REELD1: variants seen among roughly 807,000 people sequenced by gnomAD.
REELD1 encodes the protein reeler domain containing 1, also known as reelin domain-containing protein 1.
REELD1 carries 12 observed loss-of-function variants against 6.3 expected under a neutral mutation model. The observed-to-expected ratio is 1.89, with a 90% CI of 1.21 to 3.07. The LOEUF (loss-of-function observed/expected upper bound fraction) is 3.07, where lower values mean the gene tolerates loss of function less well. REELD1 is among the 30% of genes most tolerant of loss of function. The pLI is 0.00. For missense variants in REELD1, 163 were observed against 86.8 expected (o/e 1.88, Z -3.49); for synonymous variants, 57 against 33.6 (o/e 1.70, Z -2.42).
intron 5 of REELD1, among the ~76,000 whole-genome samples, chr4:146,224,860 C>T (rs867706888): frequency 2.0e-5 from 3 of 152,120 alleles, no homozygotes; most frequent in South Asian, 4.2e-4. Flanking sequence ...AAGTCAGGCC[C>T]CAGGGTGGAC....
chr4:146,230,716 A>T lies in REELD1; in HGVS notation c.*203A>T, dbSNP rs1386130591. On this transcript the variant is annotated 3_prime_UTR_variant, in exon 8 of 8. Coordinates refer to ENST00000623665, the MANE Select transcript of REELD1 (RefSeq NM_001354631.1). ...GAGCTTTGTTGTCTTAACATCTGTA[A>T]TTGGGCTTCCTTCTTTCTTTTTGCA... 23 of 379,692 alleles carry T rather than the reference A, an allele frequency of 6.1e-5. No homozygotes were observed. The highest frequency in any genetic ancestry group is 1.8e-4 in the Admixed American group (4 of 22,106). 23.5% of individuals were successfully genotyped at this position (379,692 alleles called of 1,614,324 possible).
rs543636033 is a variant in REELD1 at position 146,228,505 on chromosome 4, C to A, written c.891C>A (p.Ser297Arg). 245 of 702,110 alleles carry A rather than the reference C, an allele frequency of 3.5e-4. No homozygotes were observed. The African/African-American group carries it at 3.9e-3, about 11-fold the overall frequency. 43.5% of individuals were successfully genotyped at this position (702,110 alleles called of 1,614,324 possible). A position where few individuals can be genotyped will look rare whatever the true frequency, so the allele number is the denominator to read the frequency against. Residue 297 changes from serine (S) to arginine (R), a missense_variant, in exon 6 of 8, where the codon AGC becomes AGA. By Grantham distance (110) the Ser-to-Arg change is moderately radical. Transcript: ENST00000623665. ...TCTCCTCAGAGAGCTTTGCTTCCAG[C>A]CTTAGCACCCATCACAGGTAAGGGT... ...KRVSSESFASSLSTHHRTQDD... is the reference protein window; with the variant it reads ...KRVSSESFASRLSTHHRTQDD...
At chr4:146,220,653 G>C (rs1560724078) in intron 3 of REELD1, among the ~76,000 whole-genome samples, 2 of 152,188 alleles carry the variant, frequency 1.3e-5, no homozygotes, top group Non-Finnish European at 2.9e-5. Context: ...CTCATACTGG[G>C]ATGACAGCTG....
intron 2 of REELD1, among the ~76,000 whole-genome samples, chr4:146,216,112 A>G (rs1280398173): frequency 6.6e-6 from 1 of 152,232 alleles, no homozygotes; most frequent in Non-Finnish European, 1.5e-5. Context: ...GCAGATTTTC[A>G]TCTGCCTTGT....
chr4:146,222,751 TA>T (rs375543336), intron 4 of REELD1, among the ~76,000 whole-genome samples, 172 bp downstream of exon 4: 6 of 151,838 alleles, frequency 4.0e-5, no homozygotes, highest in Non-Finnish European at 7.4e-5. Context: ...AGAGGGAAAC[TA>T]AAAAAAATAT....
chr4:146,216,224 C>G (rs761265837), intron 2 of REELD1, among the ~76,000 whole-genome samples: 1 of 152,150 alleles, frequency 6.6e-6, no homozygotes, highest in African/African-American at 2.4e-5. Context: ...ATAAAATTTA[C>G]TCTATAAATG....
chr4:146,221,999 TA>T lies in REELD1; in HGVS notation c.209-356del, dbSNP rs531848863. 3.9e-4 allele frequency among the ~76,000 whole-genome samples: 59 copies of T among 152,246 alleles called. No homozygotes were observed. In the South Asian group the frequency reaches 0.01, roughly 27 times the overall value. ...CTTACAAATACTTTTTTTTGGAAAA[TA>T]ATTTTTTTTAATCATCTGTCCAGGG... On this transcript the variant is annotated intron_variant, in intron 3 of 7. Transcript: ENST00000623665.
chr4:146,220,350 T>C (rs1730901605), intron 3 of REELD1, among the ~76,000 whole-genome samples: 2 of 152,256 alleles, frequency 1.3e-5, no homozygotes, highest in Admixed American at 1.3e-4. Flanking sequence ...TTAAATTTTT[T>C]TCATAAATGG....
rs1205696671 is a variant in REELD1, at chr4:146,230,836, T to C, written c.*323T>C. The C allele has an allele frequency of 3.7e-5, 7 of 188,502 alleles. No homozygotes were observed. Among genetic ancestry groups the C allele is most frequent in the Non-Finnish European group, 7.6e-5 (7 of 92,300 alleles). The allele number at this position is 188,502 out of a possible 1,614,324, so 11.7% of individuals were successfully genotyped here. A position where few individuals can be genotyped will look rare whatever the true frequency, so the allele number is the denominator to read the frequency against. On this transcript the variant is annotated 3_prime_UTR_variant, in exon 8 of 8. Coordinates refer to ENST00000623665, the MANE Select transcript of REELD1 (RefSeq NM_001354631.1). Reference sequence around the variant, plus strand: ...CCCTGTGGCCACTAAGCTTCCTCTGTTGTGGTAAGGAAGCCATAGAAATAA... The same window carrying C: ...CCCTGTGGCCACTAAGCTTCCTCTGCTGTGGTAAGGAAGCCATAGAAATAA...
At chr4:146,227,432 A>G (rs1224943454) in intron 5 of REELD1, among the ~76,000 whole-genome samples, 3 of 152,182 alleles carry the variant, frequency 2.0e-5, no homozygotes, top group South Asian at 4.1e-4. Flanking sequence ...CCTCATCATC[A>G]TTGTGGTAAA....
intron 5 of REELD1, among the ~76,000 whole-genome samples, chr4:146,225,506 CCCCA>C (rs1407513154): frequency 1.3e-5 from 2 of 152,132 alleles, no homozygotes; most frequent in Non-Finnish European, 2.9e-5. Flanking sequence ...TCTGCCTTTG[CCCCA>C]CAACCTTTGT....
intron 5 of REELD1, 111 bp downstream of exon 5, chr4:146,224,719 A>G (rs1484113725): frequency 1.5e-6 from 1 of 653,286 alleles, no homozygotes; most frequent in Non-Finnish European, 2.8e-6. Flanking sequence ...AAAACAAGCA[A>G]TAAACACCTG....
chr4:146,219,732 C>T (rs1421231523), intron 3 of REELD1, among the ~76,000 whole-genome samples: 1 of 152,160 alleles, frequency 6.6e-6, no homozygotes, highest in East Asian at 1.9e-4. Flanking sequence ...TGGCTCTGAA[C>T]ACTCAATTTG....
chr4:146,227,403 G>A lies in REELD1; in HGVS notation c.596-807G>A, dbSNP rs1464323729. On this transcript the variant is annotated intron_variant, in intron 5 of 7. Transcript: ENST00000623665. The stretch of plus-strand genomic sequence containing the variant: ...AGAAACTTCTGCCAACACTGTTTTG[G>A]TCAATGCCATCATGTCATCCTCATC... Among the ~76,000 whole-genome samples, 8 of 152,160 alleles carry A rather than the reference G, an allele frequency of 5.3e-5. No homozygotes were observed. In the South Asian group the frequency reaches 1.7e-3, roughly 31 times the overall value.
chr4:146,225,529 A>G (rs1483854018), intron 5 of REELD1, among the ~76,000 whole-genome samples: 1 of 152,040 alleles, frequency 6.6e-6, no homozygotes, highest in African/African-American at 2.4e-5. Context: ...GTCTTCTTCT[A>G]TTACCCAGCA....
At chr4:146,228,795 A>G (rs1280260155) in intron 6 of REELD1, among the ~76,000 whole-genome samples, 4 of 152,098 alleles carry the variant, frequency 2.6e-5, no homozygotes, top group Admixed American at 2.0e-4. Context: ...TATAATAACA[A>G]CATAGAAATG....
Position 146,214,543 on chromosome 4 carries a change from C to G in REELD1, c.-286C>G, listed in dbSNP as rs1730791584. The G allele has an allele frequency of 6.6e-6, 1 of 151,920 alleles. No individual in the cohort carries two copies. Among genetic ancestry groups the G allele is most frequent in the African/African-American group, 2.4e-5 (1 of 41,276 alleles). The allele number at this position is 151,920 out of a possible 1,614,324, so 9.4% of individuals were successfully genotyped here. ...GGATTTGGACACTGAGGAACAGTTC[C>G]TGGAGATGCTGAGGATTAGTGGTAG... is the stretch of plus-strand genomic sequence containing the variant. On this transcript the variant is annotated 5_prime_UTR_variant, in exon 1 of 8. Transcript: ENST00000623665.
intron 5 of REELD1, among the ~76,000 whole-genome samples, chr4:146,224,951 G>A (rs929147855): frequency 6.6e-6 from 1 of 152,168 alleles, no homozygotes; most frequent in Non-Finnish European, 1.5e-5. Context: ...TATTTCTGCT[G>A]TTTTCCTTAG....
chr4:146,230,254 C>G lies in REELD1; in HGVS notation c.1322C>G (p.Thr441Ser), dbSNP rs1423165590. The part of the protein sequence containing the change: ...AQAPLGIQLR[T>S]PQLGILLCLS... ...GCCCCTCTGGGTATCCAGCTCAGAA[C>G]TCCTCAGCTGGGAATTCTGCTTTGC... Residue 441 changes from threonine to serine, a missense_variant, in exon 8 of 8, where the codon ACT becomes AGT. By Grantham distance (58) the Thr-to-Ser change is moderately conservative. Coordinates refer to ENST00000623665, the MANE Select transcript of REELD1 (RefSeq NM_001354631.1). 3 of 398,738 alleles carry G rather than the reference C, an allele frequency of 7.5e-6. No individual in the cohort carries two copies. Among genetic ancestry groups the G allele is most frequent in the African/African-American group, 6.2e-5 (3 of 48,652 alleles). 24.7% of individuals were successfully genotyped at this position (398,738 alleles called of 1,614,324 possible).
Sources: allele counts gnomAD v4.1 joint callset (sites outside exome capture counted in the v4.1 genomes callset), GRCh38; gene constraint gnomAD v4.1.1; transcripts MANE v1.5; gene names NCBI Gene and HGNC (gene_info 2026-07-23, HGNC 2026-07-21).